LUZP2: variants seen among roughly 807,000 people sequenced by gnomAD.
LUZP2 encodes the protein leucine zipper protein 2.
LUZP2 carries 52 observed loss-of-function variants against 51.6 expected under a neutral mutation model. The observed-to-expected ratio is 1.01, with a 90% CI of 0.81 to 1.27. The LOEUF is 1.27. LUZP2 is among the 50% of genes most tolerant of loss of function. The pLI is 0.00. For synonymous variants in LUZP2, 154 were observed against 137.3 expected, an observed-to-expected ratio of 1.12 and a Z score of -0.85; for missense variants, 436 against 395.4, an observed-to-expected ratio of 1.10 and a Z score of -0.87.
intron 7 of LUZP2, among the ~76,000 whole-genome samples, chr11:24,926,509 G>GTATATACGTGTATATATGTGTGTGTATA (rs1554940578): frequency 3.6e-5 from 5 of 138,028 alleles, no homozygotes; most frequent in Non-Finnish European, 7.8e-5. Flanking sequence ...ATATGTGTGT[G>GTATATACGTGTATATATGTGTGTGTATA]TATATACGTG....
intron 5 of LUZP2, among the ~76,000 whole-genome samples, chr11:24,774,147 A>G (rs369750157): frequency 4.0e-5 from 6 of 151,750 alleles, no homozygotes; most frequent in Non-Finnish European, 8.8e-5. Flanking sequence ...GAAAAATGTG[A>G]AAAGAGAGAC....
intron 5 of LUZP2, among the ~76,000 whole-genome samples, chr11:24,898,637 A>T (rs1187498873): frequency 6.6e-6 from 1 of 152,184 alleles, no homozygotes; most frequent in Non-Finnish European, 1.5e-5. Flanking sequence ...AGAAAAAAAA[A>T]AAAACAAGAG....
At chr11:24,848,439 C>T (rs1446238297) in intron 5 of LUZP2, among the ~76,000 whole-genome samples, 1 of 152,190 alleles carries the variant, frequency 6.6e-6, no homozygotes, top group Non-Finnish European at 1.5e-5. Flanking sequence ...GCTCTTGTCT[C>T]ATTATCTTCA....
chr11:24,729,620 G>T (rs1858637961), intron 2 of LUZP2, among the ~76,000 whole-genome samples: 1 of 151,874 alleles, frequency 6.6e-6, no homozygotes, highest in African/African-American at 2.4e-5. Flanking sequence ...ACTCCTAGAA[G>T]AGAATTTTAA....
chr11:24,560,078 C>T (rs1182016158), intron 1 of LUZP2, among the ~76,000 whole-genome samples: 1 of 152,064 alleles, frequency 6.6e-6, no homozygotes, highest in Non-Finnish European at 1.5e-5. Context: ...ACCTATGTAA[C>T]AAACCTGCAC....
intron 9 of LUZP2, among the ~76,000 whole-genome samples, chr11:25,013,114 G>A (rs1317922400): frequency 2.0e-5 from 3 of 152,102 alleles, no homozygotes; most frequent in Non-Finnish European, 2.9e-5. Flanking sequence ...AGTGAAATAA[G>A]CCGGGGACCA....
chr11:24,702,985 A>T (rs1265360841), intron 1 of LUZP2, among the ~76,000 whole-genome samples: 2 of 152,232 alleles, frequency 1.3e-5, no homozygotes, highest in African/African-American at 4.8e-5. Flanking sequence ...TTATAATGGT[A>T]AAACTAAAAC....
At chr11:24,893,772 GCA>G (rs34127798) in intron 5 of LUZP2, among the ~76,000 whole-genome samples, 63,905 of 149,282 alleles carry the variant, frequency 0.43, 13,659 homozygotes, top group Non-Finnish European at 0.45. Context: ...AAATACACAC[GCA>G]CACACACACA....
intron 5 of LUZP2, among the ~76,000 whole-genome samples, chr11:24,820,662 A>T (rs369854036): frequency 6.6e-6 from 1 of 152,106 alleles, no homozygotes; most frequent in Non-Finnish European, 1.5e-5. Context: ...TACTTTAATG[A>T]CTCACTGGAA....
chr11:24,660,454 A>G (rs1855979719), intron 1 of LUZP2, among the ~76,000 whole-genome samples: 1 of 152,148 alleles, frequency 6.6e-6, no homozygotes, highest in Non-Finnish European at 1.5e-5. Context: ...ACTTGTTTCT[A>G]GCATTTTTGA....
intron 5 of LUZP2, among the ~76,000 whole-genome samples, chr11:24,901,400 TAAA>T (rs35888734): frequency 2.8e-5 from 4 of 143,616 alleles, no homozygotes; most frequent in Non-Finnish European, 3.0e-5. Context: ...CTCACTTCAT[TAAA>T]AAAAAAAAAA....
intron 1 of LUZP2, among the ~76,000 whole-genome samples, chr11:24,666,869 T>A (rs1378057458): frequency 6.6e-6 from 1 of 152,194 alleles, no homozygotes; most frequent in Non-Finnish European, 1.5e-5. Context: ...CTGAAAAATC[T>A]GGAAAAGAAG....
intron 1 of LUZP2, among the ~76,000 whole-genome samples, chr11:24,629,911 A>G (rs1214539299): frequency 6.6e-6 from 1 of 151,880 alleles, no homozygotes; most frequent in Non-Finnish European, 1.5e-5. Flanking sequence ...ATAAAGTACC[A>G]CTGTGATTTT....
chr11:24,835,822 A>T (rs1850846076), intron 5 of LUZP2, among the ~76,000 whole-genome samples: 1 of 152,062 alleles, frequency 6.6e-6, no homozygotes. Context: ...ATATTTTTAC[A>T]TATTTACTGC....
chr11:24,941,165 G>A (rs908052283), intron 7 of LUZP2, among the ~76,000 whole-genome samples: 4 of 151,992 alleles, frequency 2.6e-5, no homozygotes, highest in African/African-American at 7.2e-5. Context: ...AGGTGCTATG[G>A]CATCTAAAGG....
intron 5 of LUZP2, among the ~76,000 whole-genome samples, chr11:24,778,595 A>C (rs1849006648): frequency 6.6e-6 from 1 of 152,310 alleles, no homozygotes; most frequent in African/African-American, 2.4e-5. Flanking sequence ...CATGCTGCAC[A>C]GAAAGAAAGG....
intron 5 of LUZP2, among the ~76,000 whole-genome samples, chr11:24,809,054 C>T (rs966096175): frequency 1.3e-5 from 2 of 152,006 alleles, no homozygotes; most frequent in African/African-American, 4.8e-5. Context: ...CATATGTGGT[C>T]ACTGTCATAT....
At chr11:24,904,661 C>A (rs1443029179) in intron 5 of LUZP2, among the ~76,000 whole-genome samples, 1 of 149,242 alleles carries the variant, frequency 6.7e-6, no homozygotes, top group Non-Finnish European at 1.5e-5. Context: ...TAGATAGTAA[C>A]CTTTGTCAGC....
intron 1 of LUZP2, among the ~76,000 whole-genome samples, chr11:24,656,045 C>G (rs73434982): frequency 0.019 from 2,847 of 152,218 alleles, 84 homozygotes; most frequent in African/African-American, 0.062. Flanking sequence ...AGTCGTTATT[C>G]ATTTCTCTGA....
Sources: gnomAD v4.1 joint callset for allele counts (sites outside exome capture counted in the v4.1 genomes callset) on GRCh38, gnomAD v4.1.1 for gene constraint, MANE v1.5 for transcripts, NCBI Gene and HGNC (gene_info 2026-07-23, HGNC 2026-07-21) for gene names.